Variants in DNAH11 observed in about 807,000 individuals in gnomAD.
DNAH11 encodes dynein axonemal heavy chain 11.
DNAH11 carries 442 observed loss-of-function variants against 526.0 expected under a neutral mutation model. That is an observed-to-expected ratio of 0.84 (90% CI 0.78 to 0.91). The LOEUF is 0.91. DNAH11 is among the 40% of genes least tolerant of loss of function. The pLI, the probability that DNAH11 is intolerant of heterozygous loss-of-function variation, is 0.00. For synonymous variants in DNAH11, 2,461 were observed against 1,935.9 expected, an observed-to-expected ratio of 1.27 and a Z score of -7.12; for missense variants, 6,989 against 5,448.7, an observed-to-expected ratio of 1.28 and a Z score of -8.90.
At chr7:21,694,204 T>C (rs916369203) in intron 35 of DNAH11, among the ~76,000 whole-genome samples, 1 of 152,208 alleles carries the variant, frequency 6.6e-6, no homozygotes, top group Non-Finnish European at 1.5e-5. Flanking sequence ...TATTATACTT[T>C]AAGTTCTGGG....
At position 21,757,752 on chromosome 7, in the gene DNAH11, T is replaced by C. The variant is rs143847163; in HGVS notation, c.8940+7388T>C. 2.2e-4 allele frequency among the ~76,000 whole-genome samples: 34 copies of C among 152,206 alleles called. No individual in the cohort carries two copies. The East Asian group carries it at 6.2e-3, about 28-fold the overall frequency. On this transcript the variant is annotated intron_variant, in intron 54 of 81. Transcript: ENST00000409508. ...AGCGTCATGTGCAGGGACCTGAGACTCTCAACAAAAAATGTCAAGCACCAC... is the reference window on the plus strand; with the variant it reads ...AGCGTCATGTGCAGGGACCTGAGACCCTCAACAAAAAATGTCAAGCACCAC...
At chr7:21,744,830 A>T (rs369017888) in intron 50 of DNAH11, 40 bp from the exon 51 acceptor site, 92 of 1,571,932 alleles carry the variant, frequency 5.9e-5, no homozygotes, top group Non-Finnish European at 7.2e-5. Flanking sequence ...ACCTCTATGG[A>T]TGGTTGACAT....
intron 56 of DNAH11, among the ~76,000 whole-genome samples, chr7:21,774,505 G>A (rs868331079): frequency 6.6e-6 from 1 of 152,180 alleles, no homozygotes; most frequent in Non-Finnish European, 1.5e-5. Context: ...CTCGAAGGGC[G>A]ATGCCTCTAA....
chr7:21,645,979 T>C (rs1787339479), intron 28 of DNAH11, among the ~76,000 whole-genome samples: 1 of 152,138 alleles, frequency 6.6e-6, no homozygotes, highest in East Asian at 1.9e-4. Flanking sequence ...CTTTAGCTTA[T>C]CAAAAGATGC....
chr7:21,732,526 G>A (rs1052031707), intron 45 of DNAH11, among the ~76,000 whole-genome samples: 1 of 152,102 alleles, frequency 6.6e-6, no homozygotes, highest in Admixed American at 6.5e-5. Flanking sequence ...CATTACATCT[G>A]CAGCACCCCT....
At chr7:21,623,821 G>A (rs942938621) in intron 25 of DNAH11, among the ~76,000 whole-genome samples, 2 of 151,418 alleles carry the variant, frequency 1.3e-5, no homozygotes, top group Non-Finnish European at 2.9e-5. Context: ...GTTGTGGGGT[G>A]GGGGGAGGAG....
At chr7:21,730,470 T>C (rs1226459269) in intron 45 of DNAH11, among the ~76,000 whole-genome samples, 1 of 152,198 alleles carries the variant, frequency 6.6e-6, no homozygotes, top group Non-Finnish European at 1.5e-5. Flanking sequence ...ATACTTGTGG[T>C]CACAAACATT....
chr7:21,867,903 C>T lies in DNAH11; in HGVS notation c.11735C>T (p.Thr3912Ile), dbSNP rs372135937. ...EKLGAKYVER[T>I]RLDLVKAFEE... Reference sequence around the variant, plus strand: ...CTGGGTGCGAAGTATGTGGAGAGGACCAGATTGGACTTAGTTAAAGCATTC... The same window carrying T: ...CTGGGTGCGAAGTATGTGGAGAGGATCAGATTGGACTTAGTTAAAGCATTC... Residue 3912 changes from threonine to isoleucine, a missense_variant, in exon 72 of 82, where the codon ACC becomes ATC. Coordinates refer to ENST00000409508, the MANE Select transcript of DNAH11 (RefSeq NM_001277115.2). The T allele has an allele frequency of 3.5e-5, 55 of 1,581,156 alleles. 1 individual carries two copies. In the South Asian group the frequency reaches 5.9e-4, roughly 17 times the overall value.
intron 44 of DNAH11, among the ~76,000 whole-genome samples, chr7:21,721,525 G>A (rs1011654954): frequency 2.6e-5 from 4 of 152,146 alleles, no homozygotes; most frequent in African/African-American, 9.7e-5. Context: ...CAAGATTATG[G>A]TGTCAGCATG....
At chr7:21,791,792 G>A (rs907778069) in intron 61 of DNAH11, among the ~76,000 whole-genome samples, 4 of 152,122 alleles carry the variant, frequency 2.6e-5, no homozygotes, top group African/African-American at 7.2e-5. Context: ...TAAGTGTGCC[G>A]CAGTCATGAC....
intron 28 of DNAH11, among the ~76,000 whole-genome samples, chr7:21,654,289 G>A (rs1781916265): frequency 2.0e-5 from 3 of 152,012 alleles, no homozygotes; most frequent in African/African-American, 4.8e-5. Context: ...TGTATCTATG[G>A]ATTTATCTCT....
intron 56 of DNAH11, among the ~76,000 whole-genome samples, chr7:21,774,201 C>G (rs111882364): frequency 6.6e-6 from 1 of 152,124 alleles, no homozygotes; most frequent in African/African-American, 2.4e-5. Flanking sequence ...TAGGGTGAAA[C>G]GTTCTCTTCC....
chr7:21,601,501 G>C lies in DNAH11; in HGVS notation c.3531G>C (p.Leu1177=), dbSNP rs759816097. 3.1e-6 allele frequency: 5 copies of C among 1,613,666 alleles called. No individual in the cohort carries two copies. In the African/African-American group the frequency reaches 5.3e-5, roughly 17 times the overall value. The change falls in exon 18 of 82, where the codon CTG becomes CTC. Residue 1177 remains leucine (L), a synonymous_variant. Coordinates refer to ENST00000409508, the MANE Select transcript of DNAH11 (RefSeq NM_001277115.2). ...DGLVDIMVHL[L]AVRSRQRATD... is the part of the protein sequence containing the mutation. The stretch of plus-strand genomic sequence containing the variant: ...TAGTTGACATCATGGTGCATCTTCT[G>C]GCTGTAAGAAGCCGACAGAGAGCTA...
Position 21,854,396 on chromosome 7 carries a change from C to G in DNAH11, c.11143C>G (p.Leu3715Val), listed in dbSNP as rs368422758. 3 of 1,613,680 alleles carry G rather than the reference C, an allele frequency of 1.9e-6. No individual in the cohort carries two copies. The highest frequency in any genetic ancestry group is 1.1e-5 in the South Asian group (1 of 91,052). ...YRPVAARASL[L>V]YFVINDLQKI... ...ACCAGTGGCAGCAAGAGCATCTCTT[C>G]TTTATTTTGTTATTAATGACCTCCA... The change falls in exon 68 of 82, where the codon CTT becomes GTT. Residue 3715 changes from leucine (L) to valine (V), a missense_variant. Physicochemically the swap from Leu to Val is conservative, Grantham distance 32. Transcript: ENST00000409508.
At chr7:21,827,592 C>T (rs1473248122) in intron 65 of DNAH11, among the ~76,000 whole-genome samples, 1 of 151,668 alleles carries the variant, frequency 6.6e-6, no homozygotes, top group East Asian at 1.9e-4. Flanking sequence ...CTTAAAGTAG[C>T]ATGCTCTAGA....
At chr7:21,636,350 C>T (rs556391746) in intron 26 of DNAH11, among the ~76,000 whole-genome samples, 4 of 152,112 alleles carry the variant, frequency 2.6e-5, no homozygotes, top group African/African-American at 9.6e-5. Flanking sequence ...TGGTTATATG[C>T]CAATAAAGCT....
At chr7:21,892,256 G>A (rs1284577844) in intron 76 of DNAH11, among the ~76,000 whole-genome samples, 169 bp from the exon 77 acceptor site, 1 of 152,152 alleles carries the variant, frequency 6.6e-6, no homozygotes, top group Admixed American at 6.5e-5. Flanking sequence ...AGATCAGTCT[G>A]GTGTTGCATA....
At chr7:21,646,139 A>G (rs934306692) in intron 28 of DNAH11, among the ~76,000 whole-genome samples, 7 of 152,190 alleles carry the variant, frequency 4.6e-5, no homozygotes, top group African/African-American at 1.7e-4. Flanking sequence ...TTAGTTCACA[A>G]AAAAAAGATG....
chr7:21,722,832 T>G (rs1170213321), intron 44 of DNAH11, among the ~76,000 whole-genome samples: 2 of 152,166 alleles, frequency 1.3e-5, no homozygotes, highest in Non-Finnish European at 2.9e-5. Context: ...CTTTCAATAT[T>G]TACCCTTTTC....
Sources: allele counts gnomAD v4.1 joint callset (sites outside exome capture counted in the v4.1 genomes callset), GRCh38; gene constraint gnomAD v4.1.1; transcripts MANE v1.5; gene names NCBI Gene and HGNC (gene_info 2026-07-23, HGNC 2026-07-21).